PPP1R9A: variants seen among roughly 807,000 people sequenced by gnomAD.
The protein encoded by PPP1R9A is neurabin-1.
PPP1R9A carries 59 observed loss-of-function variants against 141.9 expected under a neutral mutation model. The ratio of observed to expected loss-of-function variants is 0.42; its 90% confidence interval spans 0.34 to 0.52. The LOEUF (loss-of-function observed/expected upper bound fraction) is 0.52. PPP1R9A is among the 20% of genes least tolerant of loss of function. The pLI is 0.10. For missense variants in PPP1R9A, 1,444 were observed against 1,611.9 expected, an observed-to-expected ratio of 0.90 and a Z score of 1.78; for synonymous variants, 500 against 569.7, an observed-to-expected ratio of 0.88 and a Z score of 1.74.
intron 2 of PPP1R9A, among the ~76,000 whole-genome samples, chr7:95,039,013 G>A (rs1808839353): frequency 6.6e-6 from 1 of 151,998 alleles, no homozygotes; most frequent in African/African-American, 2.4e-5. Flanking sequence ...CATACCAAAA[G>A]CCCATGTACC....
At chr7:94,956,197 A>C (rs1797054258) in intron 2 of PPP1R9A, among the ~76,000 whole-genome samples, 1 of 152,126 alleles carries the variant, frequency 6.6e-6, no homozygotes, top group South Asian at 2.1e-4. Flanking sequence ...TTGGCTCTAA[A>C]GTACCGGTGA....
intron 2 of PPP1R9A, among the ~76,000 whole-genome samples, chr7:95,027,405 G>A (rs1335754368): frequency 6.6e-6 from 1 of 152,100 alleles, no homozygotes; most frequent in African/African-American, 2.4e-5. Context: ...CGCCCCAAGT[G>A]GGCTGCACCC....
intron 8 of PPP1R9A, among the ~76,000 whole-genome samples, chr7:95,237,580 G>A (rs1231335533): frequency 1.3e-5 from 2 of 151,736 alleles, no homozygotes; most frequent in Non-Finnish European, 2.9e-5. Context: ...TTGTCTATTT[G>A]ATCTACCAAA....
chr7:95,103,049 A>G (rs1818999529), intron 2 of PPP1R9A, among the ~76,000 whole-genome samples: 1 of 152,204 alleles, frequency 6.6e-6, no homozygotes, highest in Non-Finnish European at 1.5e-5. Context: ...ACTGACTTCC[A>G]TCAGAGAAGA....
intron 2 of PPP1R9A, among the ~76,000 whole-genome samples, chr7:95,074,426 A>G (rs1391743068): frequency 1.3e-5 from 2 of 151,590 alleles, no homozygotes; most frequent in African/African-American, 4.8e-5. Flanking sequence ...AAGTCCTAGA[A>G]GTATAATTCC....
chr7:94,987,413 A>C (rs1182493980), intron 2 of PPP1R9A, among the ~76,000 whole-genome samples: 1 of 152,230 alleles, frequency 6.6e-6, no homozygotes, highest in Non-Finnish European at 1.5e-5. Context: ...CTCCTTTTGC[A>C]TCAAGTGTGA....
rs146611213 is a variant in PPP1R9A at position 95,188,544 on chromosome 7, C to CTTTG, written c.1755-9789_1755-9786dup. Among the ~76,000 whole-genome samples the CTTTG allele has an allele frequency of 1.8e-4, 27 of 149,544 alleles. 1 individual carries two copies. Among genetic ancestry groups the CTTTG allele is most frequent in the South Asian group, 4.2e-4 (2 of 4,734 alleles). On this transcript the variant is annotated intron_variant, in intron 5 of 19. Transcript: ENST00000433360. The stretch of plus-strand genomic sequence containing the variant: ...CATCACACTAGTTATTGCCTGAATA[C>CTTTG]TTTGTTTGTTTGTTTGTTTTTGTTT...
intron 2 of PPP1R9A, among the ~76,000 whole-genome samples, chr7:95,062,500 C>T (rs1250557511): frequency 2.6e-5 from 4 of 151,460 alleles, no homozygotes; most frequent in Non-Finnish European, 5.9e-5. Flanking sequence ...CTCACTGCAC[C>T]CTCAGCCTCC....
chr7:95,175,576 T>A (rs1379661476), intron 5 of PPP1R9A, among the ~76,000 whole-genome samples: 1 of 151,100 alleles, frequency 6.6e-6, no homozygotes, highest in African/African-American at 2.4e-5. Context: ...AAGGATTAGA[T>A]TTTTTTTTAA....
At chr7:95,001,407 G>A (rs76597197) in intron 2 of PPP1R9A, among the ~76,000 whole-genome samples, 3,408 of 152,234 alleles carry the variant, frequency 0.022, 127 homozygotes, top group African/African-American at 0.078. Flanking sequence ...GGTGATAAGC[G>A]TACAATTATA....
intron 2 of PPP1R9A, among the ~76,000 whole-genome samples, chr7:94,966,738 C>T (rs546193409): frequency 3.3e-5 from 5 of 152,114 alleles, no homozygotes; most frequent in South Asian, 4.2e-4. Context: ...TGAGGATTTT[C>T]GTATTGATGT....
chr7:95,084,698 A>AT (rs985433235), intron 2 of PPP1R9A, among the ~76,000 whole-genome samples: 4 of 151,802 alleles, frequency 2.6e-5, no homozygotes, highest in Admixed American at 2.0e-4. Context: ...ACTTTGTTGA[A>AT]TTTTTTTATT....
chr7:95,078,520 G>T (rs997949372), intron 2 of PPP1R9A, among the ~76,000 whole-genome samples: 3 of 151,886 alleles, frequency 2.0e-5, no homozygotes, highest in Non-Finnish European at 2.9e-5. Context: ...TGGGTCAAAT[G>T]GTATTTCTAG....
At chr7:95,287,014 C>A in intron 18 of PPP1R9A, 1 of 1,324,120 alleles carries the variant, frequency 7.6e-7, no homozygotes, top group Non-Finnish European at 1.1e-6. Flanking sequence ...AAGCTTGGTG[C>A]AATTTTAATT....
At chr7:95,145,602 C>A (rs1213969449) in intron 4 of PPP1R9A, among the ~76,000 whole-genome samples, 1 of 152,154 alleles carries the variant, frequency 6.6e-6, no homozygotes, top group East Asian at 1.9e-4. Flanking sequence ...CAGTGGTTTA[C>A]ATGCATCTAC....
At position 95,252,119 on chromosome 7, in the gene PPP1R9A, G is replaced by A; in HGVS notation, c.2654G>A (p.Gly885Asp). 1 of 1,592,390 alleles carries A rather than the reference G, an allele frequency of 6.3e-7. No individual in the cohort carries two copies. Among genetic ancestry groups the A allele is most frequent in the Non-Finnish European group, 8.5e-7 (1 of 1,173,640 alleles). The change falls in exon 12 of 20, where the codon GGC (glycine) becomes GAC (aspartate). Residue 885 changes from glycine to aspartate, a missense_variant. Gly to Asp is a moderately conservative substitution (Grantham distance 94). Around this residue, in one of 5 missense-constraint regions of PPP1R9A, gnomAD observed 488 missense variants for 542.0 expected, o/e 0.90. Transcript: ENST00000433360. ...LDGKQTSCQD[G>D]LSQDLNEAVP... ...GGCAAGCAGACATCTTGCCAAGATG[G>A]CCTAAGTCAAGGTTTGTTTAACCCA...
intron 8 of PPP1R9A, among the ~76,000 whole-genome samples, chr7:95,242,145 A>G (rs1411129832): frequency 1.3e-5 from 2 of 152,174 alleles, no homozygotes; most frequent in East Asian, 1.9e-4. Flanking sequence ...TTACAAAGAA[A>G]TATGGCAAAG....
At chr7:95,223,685 T>A (rs1794761857) in intron 7 of PPP1R9A, among the ~76,000 whole-genome samples, 1 of 152,034 alleles carries the variant, frequency 6.6e-6, no homozygotes, top group Admixed American at 6.6e-5. Context: ...ACGTGCCACA[T>A]TGTTAGGGCT....
At chr7:94,976,914 G>A (rs1799517000) in intron 2 of PPP1R9A, among the ~76,000 whole-genome samples, 1 of 152,022 alleles carries the variant, frequency 6.6e-6, no homozygotes, top group Admixed American at 6.5e-5. Flanking sequence ...ATTCTTGCTG[G>A]GGATCTAGAG....
Sources: allele counts gnomAD v4.1 joint callset (sites outside exome capture counted in the v4.1 genomes callset), GRCh38; gene constraint gnomAD v4.1.1; regional missense constraint gnomAD v4.1.1; transcripts MANE v1.5; gene names NCBI Gene and HGNC (gene_info 2026-07-23, HGNC 2026-07-21).